The following POLN variants were observed in gnomAD, a reference collection of about 807,000 sequenced individuals.
POLN encodes DNA polymerase N.
POLN carries 108 observed loss-of-function variants against 113.5 expected under a neutral mutation model. The ratio of observed to expected loss-of-function variants is 0.95; its 90% CI spans 0.81 to 1.12. The LOEUF (loss-of-function observed/expected upper bound fraction) is 1.12. Ranked by LOEUF, POLN falls within the 50% of genes most tolerant of loss-of-function variation. The pLI is 0.00. For missense variants in POLN, 1,097 were observed against 1,077.1 expected (o/e 1.02, Z -0.26); for synonymous variants, 386 against 391.5 (o/e 0.99, Z 0.17).
chr4:2,233,719 TA>T (rs773997711), intron 2 of POLN, among the ~76,000 whole-genome samples: 1 of 152,200 alleles, frequency 6.6e-6, no homozygotes, highest in Non-Finnish European at 1.5e-5. Flanking sequence ...TACCTACATC[TA>T]AAAAGATCTT....
At chr4:2,121,232 C>A (rs895638314) in intron 19 of POLN, among the ~76,000 whole-genome samples, 1 of 151,902 alleles carries the variant, frequency 6.6e-6, no homozygotes, top group African/African-American at 2.4e-5. Context: ...GTCAGGAGCT[C>A]GAGGCCAGGC....
In POLN at chr4:2,159,153, A is replaced by T. The variant is rs766733984; in HGVS notation, c.1611+2T>A. ...CTTTTACGTACAAAAAAATTAACTT[A>T]CCTGCCTGTATTCCAAAATTATCTT... is the stretch of plus-strand genomic sequence containing the variant. On this transcript the variant is annotated splice_donor_variant, in intron 14 of 25. Transcript: ENST00000511885. LOFTEE classifies it high-confidence loss of function. The T allele has an allele frequency of 6.2e-7, 1 of 1,600,966 alleles. No individual in the cohort carries two copies. The highest frequency in any genetic ancestry group is 1.1e-5 in the South Asian group (1 of 90,632).
At chr4:2,237,458 A>G (rs187685809) in intron 2 of POLN, among the ~76,000 whole-genome samples, 1 of 151,988 alleles carries the variant, frequency 6.6e-6, no homozygotes, top group Non-Finnish European at 1.5e-5. Context: ...AGGGAAGGAA[A>G]GGAAGGGAAA....
At position 2,085,706 on chromosome 4, in the gene POLN, GAATAGGAACTCCAAGGC is replaced by G. The variant is rs1351104129; in HGVS notation, c.2087_2103del (p.Cys696SerfsTer51). The G allele has an allele frequency of 6.2e-7, 1 of 1,613,950 alleles. No homozygotes were observed. Among genetic ancestry groups the G allele is most frequent in the Non-Finnish European group, 8.5e-7 (1 of 1,180,054 alleles). ...CTCTCCAAAAACTGGGCAGCTTCCT[GAATAGGAACTCCAAGGC>G]AAGCAGCCAGCCGCTCCTTCCCTGT... On this transcript the variant is annotated frameshift_variant, in exon 21 of 26. Transcript: ENST00000511885. LOFTEE classifies it high-confidence loss of function.
At chr4:2,080,145 C>G (rs1050882362) in intron 23 of POLN, 4 of 985,468 alleles carry the variant, frequency 4.1e-6, no homozygotes, top group South Asian at 4.7e-5. Flanking sequence ...AGAAGGGGCT[C>G]CGGGACTCCT....
rs541084854 is a variant in POLN, at chr4:2,199,579, TA to T, written c.715-863del. Reference sequence around the variant, plus strand: ...TCAGAAGATGGTATATATATACTTTTATTTTATTTTTTTTAGACATGGAGTC... The same window carrying T: ...TCAGAAGATGGTATATATATACTTTTTTTTATTTTTTTTAGACATGGAGTC... On this transcript the variant is annotated intron_variant, in intron 5 of 25. Coordinates refer to ENST00000511885, the MANE Select transcript of POLN (RefSeq NM_181808.4). Among the ~76,000 whole-genome samples the T allele has an allele frequency of 1.7e-3, 265 of 152,262 alleles. 2 individuals are homozygous for T. The highest frequency in any genetic ancestry group is 6.8e-3 in the Middle Eastern group (2 of 294).
chr4:2,143,843 T>C lies in POLN; in HGVS notation c.1732-12553A>G, dbSNP rs529925515. On this transcript the variant is annotated intron_variant, in intron 16 of 25. Transcript: ENST00000511885. ...GATCCAACAGTTGACTTGTGCACAC[T>C]TATCCCAGAAAAATAAAGACAAGTA... is the stretch of plus-strand genomic sequence containing the variant. Among the ~76,000 whole-genome samples, 9 of 152,256 alleles carry C rather than the reference T, an allele frequency of 5.9e-5. No homozygotes were observed. In the East Asian group the frequency reaches 1.5e-3, roughly 26 times the overall value.
chr4:2,072,986 T>C lies in POLN; in HGVS notation c.2499A>G (p.Ala833=). The change falls in exon 25 of 26, where the codon GCA becomes GCG. Residue 833 remains alanine, a synonymous_variant. Transcript: ENST00000511885. Reference sequence around the variant, plus strand: ...CCCTCACCTGAAGCTGCAGCTCCAATGCCTGCACCTGTTCCAAGGACTCCA... The same window carrying C: ...CCCTCACCTGAAGCTGCAGCTCCAACGCCTGCACCTGTTCCAAGGACTCCA... ...RTMESLEQVQ[A]LELQLQVPLK... 1 of 1,613,418 alleles carries C rather than the reference T, an allele frequency of 6.2e-7. No homozygotes were observed. Among genetic ancestry groups the C allele is most frequent in the Non-Finnish European group, 8.5e-7 (1 of 1,179,876 alleles).
At chr4:2,215,137 G>C (rs1028889659) in intron 3 of POLN, among the ~76,000 whole-genome samples, 3 of 151,994 alleles carry the variant, frequency 2.0e-5, no homozygotes, top group Admixed American at 2.0e-4. Flanking sequence ...TGAAAATAAA[G>C]TAGATACCAA....
intron 3 of POLN, among the ~76,000 whole-genome samples, chr4:2,221,980 A>G (rs1411895903): frequency 1.3e-5 from 2 of 152,210 alleles, no homozygotes; most frequent in Non-Finnish European, 2.9e-5. Flanking sequence ...TCTTCCTAAA[A>G]TGTTTAAAAG....
intron 6 of POLN, among the ~76,000 whole-genome samples, chr4:2,195,904 T>TTA (rs1733561329): frequency 1.3e-5 from 2 of 152,128 alleles, no homozygotes; most frequent in Non-Finnish European, 1.5e-5. Context: ...CGGAATTAAA[T>TTA]AAGTGATTTA....
intron 3 of POLN, among the ~76,000 whole-genome samples, chr4:2,226,759 T>G (rs1244502855): frequency 1.3e-5 from 2 of 152,168 alleles, no homozygotes; most frequent in African/African-American, 4.8e-5. Flanking sequence ...ATATGTGTAG[T>G]TTATTTCCAT....
intron 7 of POLN, among the ~76,000 whole-genome samples, chr4:2,184,765 A>G (rs894118451): frequency 7.2e-5 from 11 of 152,230 alleles, no homozygotes; most frequent in Non-Finnish European, 1.3e-4. Flanking sequence ...ACCACAAATC[A>G]AAGAAGATGC....
chr4:2,082,064 C>T (rs916517780), intron 21 of POLN, among the ~76,000 whole-genome samples: 10 of 149,886 alleles, frequency 6.7e-5, no homozygotes, highest in African/African-American at 2.5e-4. Flanking sequence ...AAGCAATTCT[C>T]CTGCCTCAGC....
At chr4:2,130,281 A>AGAGGG (rs1731691044) in intron 17 of POLN, among the ~76,000 whole-genome samples, 2 of 81,100 alleles carry the variant, frequency 2.5e-5, no homozygotes, top group Non-Finnish European at 4.8e-5. Flanking sequence ...AGAGGGGAGG[A>AGAGGG]GAGGGGAGGA....
intron 19 of POLN, among the ~76,000 whole-genome samples, chr4:2,112,302 A>T (rs1731215382): frequency 6.6e-6 from 1 of 152,314 alleles, no homozygotes; most frequent in East Asian, 1.9e-4. Flanking sequence ...AACCTAGGCA[A>T]TACCATTCAG....
At chr4:2,122,731 A>G (rs1176269792) in intron 19 of POLN, among the ~76,000 whole-genome samples, 1 of 152,202 alleles carries the variant, frequency 6.6e-6, no homozygotes, top group Non-Finnish European at 1.5e-5. Flanking sequence ...AATGATTAAG[A>G]TGGTAAATTT....
chr4:2,128,811 T>C (rs755195283), intron 18 of POLN, among the ~76,000 whole-genome samples: 2 of 152,266 alleles, frequency 1.3e-5, no homozygotes, highest in Non-Finnish European at 2.9e-5. Flanking sequence ...TCCCAGCACT[T>C]TGGGAGGCCA....
rs533579682 is a variant in POLN at position 2,224,253 on chromosome 4, T to G, written c.133+4846A>C. On this transcript the variant is annotated intron_variant, in intron 3 of 25. Coordinates refer to ENST00000511885, the MANE Select transcript of POLN (RefSeq NM_181808.4). ...AGCATTAGTATCACTGTCTTCTACTTCTGTATCTTGTCCCCCTGGAAGGTC... is the reference window on the plus strand; with the variant it reads ...AGCATTAGTATCACTGTCTTCTACTGCTGTATCTTGTCCCCCTGGAAGGTC... Among the ~76,000 whole-genome samples, 4 of 152,336 alleles carry G rather than the reference T, an allele frequency of 2.6e-5. No homozygotes were observed. In the South Asian group the frequency reaches 8.3e-4, roughly 32 times the overall value.
Sources: allele counts gnomAD v4.1 joint callset (sites outside exome capture counted in the v4.1 genomes callset), GRCh38; gene constraint gnomAD v4.1.1; transcripts MANE v1.5; gene names NCBI Gene and HGNC (gene_info 2026-07-23, HGNC 2026-07-21).